Variants in AAMDC observed in about 807,000 individuals in gnomAD.
The protein encoded by AAMDC is adipogenesis associated Mth938 domain containing.
A neutral mutation model predicts 15.5 loss-of-function variants in AAMDC; 16 were observed. That is an observed-to-expected ratio of 1.03 (90% CI 0.70 to 1.57). AAMDC has a LOEUF of 1.57. Among genes scored for constraint, AAMDC ranks in the 40% most tolerant of loss-of-function variants. The pLI, the probability that AAMDC is intolerant of heterozygous loss-of-function variation, is 0.00. For synonymous variants in AAMDC, 51 were observed against 51.6 expected (o/e 0.99, Z 0.05); for missense variants, 141 against 144.9 (o/e 0.97, Z 0.14).
chr11:77,878,994 G>C (rs749185225), intron 5 of AAMDC: 1 of 1,614,130 alleles, frequency 6.2e-7, no homozygotes, highest in South Asian at 1.1e-5. Flanking sequence ...TTACAGGCTT[G>C]CTGAAGGGAA....
chr11:77,865,134 G>A (rs985901394), intron 2 of AAMDC, among the ~76,000 whole-genome samples: 1 of 152,126 alleles, frequency 6.6e-6, no homozygotes, highest in Non-Finnish European at 1.5e-5. Flanking sequence ...ATGTGGTTGA[G>A]TCCCCAACAT....
chr11:77,899,488 A>G (rs1018319364), intron 5 of AAMDC, among the ~76,000 whole-genome samples: 5 of 152,036 alleles, frequency 3.3e-5, no homozygotes, highest in African/African-American at 9.7e-5. Context: ...CCTGGCTAAC[A>G]TGGTGAAACC....
chr11:77,833,506 C>G (rs572349241), intron 1 of AAMDC, among the ~76,000 whole-genome samples: 16 of 151,896 alleles, frequency 1.1e-4, no homozygotes, highest in Non-Finnish European at 2.2e-4. Context: ...GTAATGTGAG[C>G]CACAGGAAGT....
At chr11:77,898,969 G>C (rs533908587) in intron 5 of AAMDC, among the ~76,000 whole-genome samples, 5 of 152,316 alleles carry the variant, frequency 3.3e-5, no homozygotes, top group African/African-American at 1.2e-4. Context: ...GCAGTGAGTT[G>C]AGATCGTGCC....
At chr11:77,877,110 C>A, downstream of AAMDC, 1 of 695,174 alleles carries the variant, frequency 1.4e-6, no homozygotes, top group South Asian at 1.5e-5. Flanking sequence ...GTCCCTCTTT[C>A]GCACTCATGA....
chr11:77,883,075 AAATAAT>A (rs10687244), intron 5 of AAMDC, among the ~76,000 whole-genome samples: 3 of 148,330 alleles, frequency 2.0e-5, no homozygotes, highest in South Asian at 2.1e-4. Flanking sequence ...CTCCGTCTCA[AAATAAT>A]AATAATAATA....
At chr11:77,878,701 G>C in intron 5 of AAMDC, 1 of 693,282 alleles carries the variant, frequency 1.4e-6, no homozygotes. Flanking sequence ...TTTCTTTACA[G>C]ACCAGGAACT....
chr11:77,904,632 G>C (rs766691109), downstream of AAMDC, among the ~76,000 whole-genome samples: 4 of 152,180 alleles, frequency 2.6e-5, no homozygotes, highest in Non-Finnish European at 4.4e-5. Context: ...CTAAACTGTA[G>C]ATAAAAACTA....
At chr11:77,844,285 A>G (rs962075142) in intron 2 of AAMDC, among the ~76,000 whole-genome samples, 1 of 152,202 alleles carries the variant, frequency 6.6e-6, no homozygotes, top group African/African-American at 2.4e-5. Flanking sequence ...CATTGGGATT[A>G]GAGTTTCAAT....
At chr11:77,858,555 T>C (rs1950737852) in intron 2 of AAMDC, among the ~76,000 whole-genome samples, 1 of 152,122 alleles carries the variant, frequency 6.6e-6, no homozygotes, top group South Asian at 2.1e-4. Context: ...AAGGTGGATG[T>C]GGTCACCTTC....
intron 5 of AAMDC, among the ~76,000 whole-genome samples, chr11:77,900,358 C>CA (rs1272910064): frequency 6.6e-6 from 1 of 152,148 alleles, no homozygotes; most frequent in Non-Finnish European, 1.5e-5. Flanking sequence ...CTTGGCCTCC[C>CA]AAAGTGCTGG....
At chr11:77,823,862 A>G (rs996707673) in intron 1 of AAMDC, among the ~76,000 whole-genome samples, 1 of 152,022 alleles carries the variant, frequency 6.6e-6, no homozygotes, top group African/African-American at 2.4e-5. Flanking sequence ...CTTTGCTTCT[A>G]GCTTTTGCAG....
At chr11:77,838,987 C>G (rs1949813947) in intron 1 of AAMDC, among the ~76,000 whole-genome samples, 1 of 152,048 alleles carries the variant, frequency 6.6e-6, no homozygotes, top group Non-Finnish European at 1.5e-5. Context: ...GAAGTGTTTC[C>G]TTATTGAGAT....
At chr11:77,891,876 C>T in intron 5 of AAMDC, 1 of 1,610,154 alleles carries the variant, frequency 6.2e-7, no homozygotes, top group Non-Finnish European at 8.5e-7. Context: ...ACTCATTCAA[C>T]TGTGCACTCA....
At chr11:77,884,425 C>A (rs1951912667) in intron 5 of AAMDC, among the ~76,000 whole-genome samples, 1 of 152,160 alleles carries the variant, frequency 6.6e-6, no homozygotes, top group Admixed American at 6.5e-5. Context: ...ATGAAGAGTC[C>A]ACTCAAATCA....
downstream of AAMDC, chr11:77,876,854 T>A (rs960807044): frequency 4.8e-6 from 3 of 628,420 alleles, no homozygotes; most frequent in African/African-American, 5.5e-5. Context: ...GGTACTTATC[T>A]GAAAAATATC....
chr11:77,886,706 G>A (rs993881803), intron 5 of AAMDC, among the ~76,000 whole-genome samples: 6 of 152,162 alleles, frequency 3.9e-5, no homozygotes, highest in Non-Finnish European at 8.8e-5. Context: ...CTCTAGTCTG[G>A]CAGGGTGAAG....
chr11:77,822,767 C>T (rs1948977890), intron 1 of AAMDC, among the ~76,000 whole-genome samples: 1 of 152,144 alleles, frequency 6.6e-6, no homozygotes, highest in Non-Finnish European at 1.5e-5. Context: ...TTGGCAAATA[C>T]TTTTGAAAAT....
At chr11:77,834,399 A>G (rs911905148) in intron 1 of AAMDC, among the ~76,000 whole-genome samples, 4 of 148,948 alleles carry the variant, frequency 2.7e-5, no homozygotes, top group African/African-American at 7.4e-5. Context: ...TGAGGAAACC[A>G]TTACATCTTT....
Sources: allele counts gnomAD v4.1 joint callset (sites outside exome capture counted in the v4.1 genomes callset), GRCh38; gene constraint gnomAD v4.1.1; transcripts MANE v1.5; gene names NCBI Gene and HGNC (gene_info 2026-07-23, HGNC 2026-07-21).